Variants in SGIP1 observed in about 807,000 individuals in gnomAD.
The protein encoded by SGIP1 is SH3GL interacting endocytic adaptor 1.
In SGIP1, 38 loss-of-function variants were observed where a neutral mutation model predicts 107.5. That is an observed-to-expected ratio of 0.35 (90% CI 0.27 to 0.46). The LOEUF (loss-of-function observed/expected upper bound fraction) is 0.46, where lower values mean the gene tolerates loss of function less well. Among genes scored for constraint, SGIP1 ranks in the 20% least tolerant of loss-of-function variants. The probability of loss-of-function intolerance (pLI) is 1.00; values close to 1 mark genes in which losing one functional copy is unlikely to be tolerated. For missense variants in SGIP1, 929 were observed against 1,019.5 expected, an observed-to-expected ratio of 0.91 and a Z score of 1.21; for synonymous variants, 365 against 366.1, an observed-to-expected ratio of 1.00 and a Z score of 0.03.
At chr1:66,684,168 T>C (rs1241377828) in intron 15 of SGIP1, 1 of 1,550,488 alleles carries the variant, frequency 6.4e-7, no homozygotes, top group South Asian at 1.2e-5. Flanking sequence ...CTGGAGGCAA[T>C]GAACTGGATT....
chr1:66,643,202 T>C lies in SGIP1; in HGVS notation c.283+338T>C, dbSNP rs150300173. On this transcript the variant is annotated intron_variant, in intron 6 of 24. Transcript: ENST00000371037. ...GCAAAGCATGTCACACTGATGCATT[T>C]AAAACTCATCGAGGATCATTCATAA... 8.9e-5 allele frequency among the ~76,000 whole-genome samples: 13 copies of C among 145,564 alleles called. No homozygotes were observed. In the East Asian group the frequency reaches 2.7e-3, roughly 30 times the overall value.
chr1:66,597,585 C>T (rs1409398522), intron 1 of SGIP1, among the ~76,000 whole-genome samples: 1 of 152,146 alleles, frequency 6.6e-6, no homozygotes, highest in African/African-American at 2.4e-5. Flanking sequence ...CTATGACAGA[C>T]ATCAGATTGA....
intron 21 of SGIP1, 63 bp downstream of exon 21, chr1:66,733,943 C>A: frequency 6.6e-7 from 1 of 1,508,152 alleles, no homozygotes; most frequent in Non-Finnish European, 8.9e-7. Flanking sequence ...AAAGTACCTA[C>A]TATTGAATAA....
chr1:66,638,448 G>A (rs1292697877), intron 4 of SGIP1, among the ~76,000 whole-genome samples: 2 of 152,168 alleles, frequency 1.3e-5, no homozygotes, highest in African/African-American at 4.8e-5. Flanking sequence ...GATGTAGTCT[G>A]CATACAAATA....
chr1:66,650,193 T>C (rs2078464733), intron 7 of SGIP1, among the ~76,000 whole-genome samples: 1 of 152,192 alleles, frequency 6.6e-6, no homozygotes, highest in Admixed American at 6.6e-5. Flanking sequence ...AGGTGTTTTT[T>C]GTGATGCCTT....
intron 1 of SGIP1, among the ~76,000 whole-genome samples, chr1:66,623,705 G>A (rs1211616932): frequency 2.0e-5 from 3 of 152,186 alleles, no homozygotes; most frequent in Admixed American, 1.3e-4. Flanking sequence ...ATATAGGCAT[G>A]GCATTTTGTG....
At chr1:66,703,048 G>A (rs751065104) in intron 18 of SGIP1, among the ~76,000 whole-genome samples, 1 of 152,184 alleles carries the variant, frequency 6.6e-6, no homozygotes, top group Non-Finnish European at 1.5e-5. Context: ...AAGTTAAATA[G>A]TTCCCTGGAG....
At chr1:66,628,520 A>G (rs2149342204) in intron 2 of SGIP1, 1 of 154,964 alleles carries the variant, frequency 6.5e-6, no homozygotes, top group Non-Finnish European at 1.5e-5. Context: ...TTTGTGGGAC[A>G]CTATTCGATG....
chr1:66,686,873 A>G (rs962500695), intron 15 of SGIP1, among the ~76,000 whole-genome samples: 2 of 152,240 alleles, frequency 1.3e-5, no homozygotes, highest in African/African-American at 4.8e-5. Flanking sequence ...CTTAATCATC[A>G]TCACGGGTAT....
intron 15 of SGIP1, among the ~76,000 whole-genome samples, chr1:66,685,687 C>G (rs1431987074): frequency 6.6e-6 from 1 of 152,122 alleles, no homozygotes; most frequent in East Asian, 1.9e-4. Context: ...CAGCAATGTC[C>G]AATACAGTAG....
intron 1 of SGIP1, among the ~76,000 whole-genome samples, chr1:66,601,234 G>T (rs1270042914): frequency 1.3e-5 from 2 of 151,970 alleles, no homozygotes; most frequent in Non-Finnish European, 2.9e-5. Flanking sequence ...GCGTGGTGGC[G>T]GGCGCCTGTA....
At chr1:66,633,118 T>C in intron 3 of SGIP1, 24 bp downstream of exon 3, 1 of 1,502,232 alleles carries the variant, frequency 6.7e-7, no homozygotes, top group South Asian at 1.1e-5. Flanking sequence ...TAACCATTTT[T>C]ACTGAGTTTG....
rs1288208231 is a variant in SGIP1 at position 66,748,967 on chromosome 1, C to A, written c.*5872C>A. Reference sequence around the variant, plus strand: ...TTTTAACACTAGTTTATATATCCTTCAATAATTGTAAATAAAATAACCAGG... The same window carrying A: ...TTTTAACACTAGTTTATATATCCTTAAATAATTGTAAATAAAATAACCAGG... On this transcript the variant is annotated 3_prime_UTR_variant, in exon 25 of 25. Transcript: ENST00000371037. Among the ~76,000 whole-genome samples the A allele has an allele frequency of 1.3e-5, 2 of 151,842 alleles. No individual in the cohort carries two copies. The highest frequency in any genetic ancestry group is 4.8e-5 in the African/African-American group (2 of 41,400).
In SGIP1 at chr1:66,643,540, C is replaced by A; in HGVS notation, c.284-4C>A. On this transcript the variant is annotated splice_region_variant and splice_polypyrimidine_tract_variant and intron_variant, in intron 6 of 24. Transcript: ENST00000371037. ...AGAGTTATGTATCTTTAACTGTGTTCTACCTACCAAAGGAAAGCACTTTTA... is the reference window on the plus strand; with the variant it reads ...AGAGTTATGTATCTTTAACTGTGTTATACCTACCAAAGGAAAGCACTTTTA... 3 of 1,604,594 alleles carry A rather than the reference C, an allele frequency of 1.9e-6. No homozygotes were observed. The South Asian group carries it at 3.4e-5, about 18-fold the overall frequency.
chr1:66,682,532 A>C (rs1357299397), intron 15 of SGIP1, among the ~76,000 whole-genome samples, 163 bp downstream of exon 15: 1 of 152,096 alleles, frequency 6.6e-6, no homozygotes, highest in African/African-American at 2.4e-5. Flanking sequence ...AGTCCATCAG[A>C]TGCTCACAGT....
At position 66,630,839 on chromosome 1, in the gene SGIP1, GAA is replaced by G. The variant is rs1491400509; in HGVS notation, c.75-2229_75-2228del. Among the ~76,000 whole-genome samples, 135 of 9,740 alleles carry G rather than the reference GAA, an allele frequency of 0.014. 3 individuals carry two copies. In the East Asian group the frequency reaches 0.31, roughly 23 times the overall value. 6.4% of individuals were successfully genotyped at this position (9,740 alleles called of 152,430 possible). ...AGAAAGAAAGAAAGAAAGAAAGAAAGAAAGAAAGAAAGAAAGAAAGAAAGAAA... is the reference window on the plus strand; with the variant it reads ...AGAAAGAAAGAAAGAAAGAAAGAAAGAGAAAGAAAGAAAGAAAGAAAGAAA... On this transcript the variant is annotated intron_variant, in intron 2 of 24. Transcript: ENST00000371037.
chr1:66,576,056 T>C (rs187837050), intron 1 of SGIP1, among the ~76,000 whole-genome samples: 38 of 152,304 alleles, frequency 2.5e-4, no homozygotes, highest in African/African-American at 8.7e-4. Flanking sequence ...TTTATTTATA[T>C]ATTGCAGCAA....
chr1:66,544,688 C>T (rs1215891743), intron 1 of SGIP1, among the ~76,000 whole-genome samples: 1 of 152,064 alleles, frequency 6.6e-6, no homozygotes, highest in African/African-American at 2.4e-5. Flanking sequence ...GACTCTGTCT[C>T]AAAAACAAAC....
intron 8 of SGIP1, chr1:66,665,850 C>T (rs538102535): frequency 6.6e-6 from 1 of 152,252 alleles, no homozygotes; most frequent in Non-Finnish European, 1.5e-5. Flanking sequence ...TGTGTAAGTT[C>T]TTTGTAGATT....
Sources: allele counts gnomAD v4.1 joint callset (sites outside exome capture counted in the v4.1 genomes callset), GRCh38; gene constraint gnomAD v4.1.1; transcripts MANE v1.5; gene names NCBI Gene and HGNC (gene_info 2026-07-23, HGNC 2026-07-21).